The following COL28A1 variants were observed in gnomAD, a reference collection of about 807,000 sequenced individuals.
COL28A1 encodes the protein collagen type XXVIII alpha 1 chain, also known as collagen alpha-1(XXVIII) chain.
COL28A1 carries 161 observed loss-of-function variants against 150.2 expected under a neutral mutation model. The ratio of observed to expected loss-of-function variants is 1.07; its 90% CI spans 0.94 to 1.22. COL28A1 has a LOEUF of 1.22. COL28A1 is among the 50% of genes most tolerant of loss of function. The pLI is 0.00. For synonymous variants in COL28A1, 552 were observed against 469.7 expected, an observed-to-expected ratio of 1.18 and a Z score of -2.26; for missense variants, 1,617 against 1,388.3, an observed-to-expected ratio of 1.16 and a Z score of -2.62.
At chr7:7,450,204 T>C (rs1786581793) in intron 18 of COL28A1, among the ~76,000 whole-genome samples, 1 of 152,114 alleles carries the variant, frequency 6.6e-6, no homozygotes, top group Non-Finnish European at 1.5e-5. Context: ...GATTCTGGGG[T>C]ACTTGTTTAT....
chr7:7,417,991 A>C lies in COL28A1; in HGVS notation c.2068-64T>G, dbSNP rs73348943. The C allele has an allele frequency of 3.2e-3, 4,192 of 1,321,632 alleles. 114 individuals are homozygous for C. In the African/African-American group the frequency reaches 0.054, roughly 17 times the overall value. 81.9% of individuals were successfully genotyped at this position (1,321,632 alleles called of 1,614,324 possible). A position where few individuals can be genotyped will look rare whatever the true frequency, so the allele number is the denominator to read the frequency against. ...GAAGATCGAAGAAGAAACAACGTTAAGTATTACTACTCTCAGCTGCATTCT... is the reference window on the plus strand; with the variant it reads ...GAAGATCGAAGAAGAAACAACGTTACGTATTACTACTCTCAGCTGCATTCT... On this transcript the variant is annotated intron_variant, in intron 26 of 34. Transcript: ENST00000399429.
rs765419074 is a variant in COL28A1, at chr7:7,479,181, C to T, written c.1165-2001G>A. 5.7e-4 allele frequency among the ~76,000 whole-genome samples: 86 copies of T among 152,208 alleles called. 1 individual carries two copies. The highest frequency in any genetic ancestry group is 3.2e-3 in the Middle Eastern group (1 of 316). On this transcript the variant is annotated intron_variant, in intron 13 of 34. Coordinates refer to ENST00000399429, the MANE Select transcript of COL28A1 (RefSeq NM_001037763.3). ...TCCTTAAACCAATCCCCCATGAATA[C>T]CAAGGAATGGCTAATGACTGTGGCT...
rs1785713016 is a variant in COL28A1, at chr7:7,440,787, T to C, written c.1722+3A>G. ...AGCGTAAGTCAGAATACAAGAAACATACCTTTGGTCCTTCGGGCCCTGGAA... is the reference window on the plus strand; with the variant it reads ...AGCGTAAGTCAGAATACAAGAAACACACCTTTGGTCCTTCGGGCCCTGGAA... On this transcript the variant is annotated splice_donor_region_variant and intron_variant, in intron 21 of 34. Transcript: ENST00000399429. 4 of 1,368,542 alleles carry C rather than the reference T, an allele frequency of 2.9e-6. No individual in the cohort carries two copies. Among genetic ancestry groups the C allele is most frequent in the South Asian group, 2.4e-5 (2 of 83,966 alleles). 84.8% of individuals were successfully genotyped at this position (1,368,542 alleles called of 1,614,324 possible).
chr7:7,436,912 T>A (rs1483220129), intron 22 of COL28A1, among the ~76,000 whole-genome samples: 2 of 152,068 alleles, frequency 1.3e-5, no homozygotes, highest in Admixed American at 6.5e-5. Flanking sequence ...TGGTGGCACA[T>A]CTGTAATCCC....
chr7:7,490,301 A>G (rs1355643633), intron 12 of COL28A1, among the ~76,000 whole-genome samples: 1 of 152,226 alleles, frequency 6.6e-6, no homozygotes, highest in African/African-American at 2.4e-5. Flanking sequence ...TTTAAAGTCC[A>G]TGAAAACAAC....
chr7:7,399,370 G>A (rs904943739), intron 27 of COL28A1, among the ~76,000 whole-genome samples: 1 of 152,082 alleles, frequency 6.6e-6, no homozygotes, highest in African/African-American at 2.4e-5. Flanking sequence ...CTCATAACAG[G>A]CTTGGATGCT....
intron 25 of COL28A1, among the ~76,000 whole-genome samples, chr7:7,429,957 C>T (rs1000322626): frequency 6.6e-6 from 1 of 152,130 alleles, no homozygotes; most frequent in Admixed American, 6.5e-5. Flanking sequence ...AAACAATAGG[C>T]AAGATGAAGT....
rs1231584929 is a variant in COL28A1, at chr7:7,373,124, C to T, written c.2782G>A (p.Glu928Lys). The T allele has an allele frequency of 1.2e-6, 2 of 1,614,146 alleles. No individual in the cohort carries two copies. Among genetic ancestry groups the T allele is most frequent in the Admixed American group, 1.7e-5 (1 of 60,026 alleles). Residue 928 changes from glutamate to lysine, a missense_variant, in exon 32 of 35, where the codon GAG becomes AAG. Transcript: ENST00000399429. This position sits in a 1 kb window ranked among gnomAD's most constrained non-coding sequence, Gnocchi z 4.1. Reference sequence around the variant, plus strand: ...TTCACCACCCCTATCACAAATATCTCCACATTGGTGTCACTGGCATTCTTC... The same window carrying T: ...TTCACCACCCCTATCACAAATATCTTCACATTGGTGTCACTGGCATTCTTC... ...VVKNASDTNV[E>K]IFVIGVVKKN...
At chr7:7,349,801 T>C in the COL28A1 span, among the ~76,000 whole-genome samples, 1 of 152,106 alleles carries the variant, frequency 6.6e-6, no homozygotes, top group East Asian at 1.9e-4. Flanking sequence ...ATTTGGTCCC[T>C]GTTACTTCTT....
chr7:7,461,791 G>C (rs1057188423), intron 15 of COL28A1, among the ~76,000 whole-genome samples: 4 of 152,084 alleles, frequency 2.6e-5, no homozygotes, highest in African/African-American at 4.8e-5. Flanking sequence ...CCGCCTAATG[G>C]TCCTTCCCTA....
At chr7:7,461,388 C>A (rs969139141) in intron 15 of COL28A1, among the ~76,000 whole-genome samples, 15 of 152,150 alleles carry the variant, frequency 9.9e-5, no homozygotes, top group African/African-American at 3.1e-4. Context: ...GTCTCCTGGC[C>A]AGAACTCAGG....
chr7:7,543,320 T>C, the COL28A1 span, among the ~76,000 whole-genome samples: 3 of 152,356 alleles, frequency 2.0e-5, no homozygotes, highest in Non-Finnish European at 4.4e-5. Flanking sequence ...CTTCATTTGT[T>C]TGTCAATGAT....
At chr7:7,504,734 A>G (rs554807760) in intron 11 of COL28A1, among the ~76,000 whole-genome samples, 1 of 152,208 alleles carries the variant, frequency 6.6e-6, no homozygotes, top group Non-Finnish European at 1.5e-5. Context: ...TTCCAAAATG[A>G]AAATGCTAAG....
At chr7:7,493,841 C>G (rs1780057007) in intron 11 of COL28A1, among the ~76,000 whole-genome samples, 1 of 134,998 alleles carries the variant, frequency 7.4e-6, no homozygotes, top group African/African-American at 2.7e-5. Context: ...CCTACCCCAG[C>G]CCTTAGCAAC....
In COL28A1 at chr7:7,528,822, T is replaced by A. The variant is rs191593002; in HGVS notation, c.681+2526A>T. On this transcript the variant is annotated intron_variant, in intron 3 of 34. Transcript: ENST00000399429. ...TTGTGTTGGTAGTTTCATAGGTGTG[T>A]ACCTATGTCAAAAGCTCATGGAATT... is the stretch of plus-strand genomic sequence containing the variant. Among the ~76,000 whole-genome samples the A allele has an allele frequency of 5.3e-5, 8 of 152,328 alleles. No homozygotes were observed. In the East Asian group the frequency reaches 1.2e-3, roughly 22 times the overall value.
intron 11 of COL28A1, among the ~76,000 whole-genome samples, chr7:7,498,099 T>C (rs2115078161): frequency 6.6e-6 from 1 of 152,298 alleles, no homozygotes; most frequent in South Asian, 2.1e-4. Context: ...CCTTCTAGAA[T>C]GCTATTAGGT....
At chr7:7,377,173 A>G (rs1467786814) in intron 30 of COL28A1, among the ~76,000 whole-genome samples, 1 of 152,148 alleles carries the variant, frequency 6.6e-6, no homozygotes, top group East Asian at 1.9e-4. Context: ...TCAAGGTTAG[A>G]TTTTAATTTT....
rs78028452 is a variant in COL28A1 at position 7,454,087 on chromosome 7, A to T, written c.1372-579T>A. Among the ~76,000 whole-genome samples the T allele has an allele frequency of 3.7e-3, 557 of 152,312 alleles. 1 individual carries two copies. The highest frequency in any genetic ancestry group is 6.8e-3 in the Non-Finnish European group (464 of 68,024). On this transcript the variant is annotated intron_variant, in intron 16 of 34. Transcript: ENST00000399429. ...TTTTTATACATGGGTATAAAAAAGGATATGCACATATGTGTACATTTGTAT... is the reference window on the plus strand; with the variant it reads ...TTTTTATACATGGGTATAAAAAAGGTTATGCACATATGTGTACATTTGTAT...
At chr7:7,419,234 GAGGCTGTC>G (rs1024255894) in intron 26 of COL28A1, among the ~76,000 whole-genome samples, 1 of 152,132 alleles carries the variant, frequency 6.6e-6, no homozygotes, top group Non-Finnish European at 1.5e-5. Flanking sequence ...TTTCTGATGG[GAGGCTGTC>G]CTGGGCATTG....
Sources: allele counts gnomAD v4.1 joint callset (sites outside exome capture counted in the v4.1 genomes callset), GRCh38; gene constraint gnomAD v4.1.1; non-coding constraint Gnocchi (gnomAD v3.1); transcripts MANE v1.5; gene names NCBI Gene and HGNC (gene_info 2026-07-23, HGNC 2026-07-21).